The following EMSY variants were observed in gnomAD, a reference collection of about 807,000 sequenced individuals.
The protein encoded by EMSY is BRCA2-interacting transcriptional repressor EMSY.
Under a neutral mutation model 134.6 loss-of-function variants are expected in EMSY, and 26 were observed. The ratio of observed to expected loss-of-function variants is 0.19; its 90% confidence interval spans 0.14 to 0.27. The LOEUF (loss-of-function observed/expected upper bound fraction) is 0.27, where lower values mean the gene tolerates loss of function less well. Among genes scored for constraint, EMSY ranks in the 10% least tolerant of loss-of-function variants. EMSY has a pLI of 1.00. For missense variants in EMSY, 1,305 were observed against 1,611.4 expected, an observed-to-expected ratio of 0.81 and a Z score of 3.26; for synonymous variants, 579 against 577.8, an observed-to-expected ratio of 1.00 and a Z score of -0.03.
intron 1 of EMSY, among the ~76,000 whole-genome samples, chr11:76,446,311 ATG>A (rs10546407): frequency 0.68 from 94,855 of 139,638 alleles, 32,762 homozygotes; most frequent in East Asian, 0.85. Flanking sequence ...GTATATATAT[ATG>A]TGTGTGTGTG....
intron 9 of EMSY, among the ~76,000 whole-genome samples, chr11:76,510,118 G>A (rs1303693310): frequency 6.6e-6 from 1 of 152,206 alleles, no homozygotes; most frequent in African/African-American, 2.4e-5. Context: ...TCTTTGGGAG[G>A]CCAAGGCAGG....
chr11:76,483,033 A>G (rs934842684), intron 8 of EMSY, among the ~76,000 whole-genome samples: 4 of 152,254 alleles, frequency 2.6e-5, no homozygotes, highest in African/African-American at 4.8e-5. Context: ...AGGGAAGCCC[A>G]TCAGACTAAC....
chr11:76,547,148 T>C (rs1007831805), intron 20 of EMSY: 6 of 440,384 alleles, frequency 1.4e-5, no homozygotes, highest in Admixed American at 7.7e-5. Context: ...TAAACAGATA[T>C]ATAGCTTGGA....
chr11:76,524,998 C>T (rs1282809726), intron 12 of EMSY, among the ~76,000 whole-genome samples: 2 of 152,174 alleles, frequency 1.3e-5, no homozygotes, highest in African/African-American at 2.4e-5. Flanking sequence ...GCCTGGGTGA[C>T]AGAGCAAGAC....
At chr11:76,550,050 G>A (rs1951792131) in exon 21 of EMSY, 1 of 1,613,922 alleles carries the variant, frequency 6.2e-7, no homozygotes, top group Non-Finnish European at 8.5e-7. Flanking sequence ...GTCAACAGCT[G>A]GATGATGAGG....
intron 14 of EMSY, among the ~76,000 whole-genome samples, chr11:76,533,828 C>G (rs571151006): frequency 6.6e-6 from 1 of 152,118 alleles, no homozygotes; most frequent in South Asian, 2.1e-4. Flanking sequence ...GCACATGTTA[C>G]TGGTGCAAGC....
intron 8 of EMSY, among the ~76,000 whole-genome samples, chr11:76,487,991 C>G (rs766653853): frequency 7.9e-5 from 12 of 152,162 alleles, no homozygotes; most frequent in Non-Finnish European, 1.6e-4. Flanking sequence ...ACTTACATGA[C>G]TTTTTAAAAA....
At chr11:76,535,921 G>A (rs2136536145) in exon 15 of EMSY, 1 of 1,548,288 alleles carries the variant, frequency 6.5e-7, no homozygotes. Context: ...TCATGTAATT[G>A]CTTCCCGGCG....
intron 18 of EMSY, among the ~76,000 whole-genome samples, chr11:76,543,664 C>T (rs940612969): frequency 6.6e-6 from 1 of 152,216 alleles, no homozygotes; most frequent in Admixed American, 6.5e-5. Context: ...TCCTGGGAGC[C>T]AGGGCTCTGG....
chr11:76,471,592 T>C (rs1206277446), intron 7 of EMSY, among the ~76,000 whole-genome samples: 2 of 152,180 alleles, frequency 1.3e-5, no homozygotes, highest in African/African-American at 4.8e-5. Context: ...TTGACAATTT[T>C]GAGGAGTACT....
At chr11:76,496,752 G>A (rs1949674030) in intron 9 of EMSY, 3 of 420,944 alleles carry the variant, frequency 7.1e-6, no homozygotes, top group Non-Finnish European at 1.3e-5. Flanking sequence ...TGTATCCTTT[G>A]ACCTTGCTGA....
intron 12 of EMSY, among the ~76,000 whole-genome samples, chr11:76,524,435 A>C (rs1308033335): frequency 6.6e-6 from 1 of 152,218 alleles, no homozygotes; most frequent in African/African-American, 2.4e-5. Context: ...TAAAAGCTTC[A>C]TTGGTAGGGG....
chr11:76,509,188 A>G (rs1950184534), intron 9 of EMSY, among the ~76,000 whole-genome samples: 1 of 152,162 alleles, frequency 6.6e-6, no homozygotes, highest in African/African-American at 2.4e-5. Context: ...TGTTGGAAAA[A>G]TGGTGCCTAT....
rs1004277306 is a variant in EMSY, at chr11:76,537,699, C to T, written c.2360-96C>T. On this transcript the variant is annotated intron_variant, in intron 15 of 20. Coordinates refer to ENST00000334736, the Ensembl canonical transcript of EMSY. ...GTCTACTTAGTCACTGCCAGTGTGG[C>T]ACCCCAGAGGTCTGGTTCATTATTC... The T allele has an allele frequency of 7.3e-6, 8 of 1,102,230 alleles. No homozygotes were observed. The African/African-American group carries it at 9.7e-5, about 13-fold the overall frequency. 68.3% of individuals were successfully genotyped at this position (1,102,230 alleles called of 1,614,324 possible). A position where few individuals can be genotyped will look rare whatever the true frequency, so the allele number is the denominator to read the frequency against.
chr11:76,503,810 A>G (rs1257038727), intron 9 of EMSY, among the ~76,000 whole-genome samples: 1 of 152,170 alleles, frequency 6.6e-6, no homozygotes, highest in African/African-American at 2.4e-5. Flanking sequence ...TTTGAGACGG[A>G]GTCTTGCTCT....
chr11:76,531,516 A>G (rs1341874854), intron 14 of EMSY, among the ~76,000 whole-genome samples: 1 of 152,154 alleles, frequency 6.6e-6, no homozygotes, highest in Non-Finnish European at 1.5e-5. Context: ...AATTCCACAG[A>G]TAGGATATTA....
At chr11:76,524,616 G>A (rs1950778058) in intron 12 of EMSY, among the ~76,000 whole-genome samples, 2 of 152,154 alleles carry the variant, frequency 1.3e-5, no homozygotes. Context: ...TTGTATTCTA[G>A]GCCCTGTGGT....
intron 9 of EMSY, among the ~76,000 whole-genome samples, chr11:76,504,067 G>C (rs1465076649): frequency 6.6e-6 from 1 of 151,792 alleles, no homozygotes; most frequent in Non-Finnish European, 1.5e-5. Context: ...ATTACAGGCG[G>C]GAGCCACTGT....
chr11:76,516,454 A>G (rs1950455114), intron 11 of EMSY, 142 bp downstream of exon 12: 1 of 521,222 alleles, frequency 1.9e-6, no homozygotes, highest in Non-Finnish European at 3.1e-6. Flanking sequence ...ATGTTTCATG[A>G]TTAAATAAAG....
Sources: gnomAD v4.1 joint callset for allele counts (sites outside exome capture counted in the v4.1 genomes callset) on GRCh38, gnomAD v4.1.1 for gene constraint, MANE v1.5 for transcripts, NCBI Gene and HGNC (gene_info 2026-07-23, HGNC 2026-07-21) for gene names.